The following WWOX variants were observed in gnomAD, a reference collection of about 807,000 sequenced individuals.
WWOX encodes the protein WW domain containing oxidoreductase.
A neutral mutation model predicts 46.2 loss-of-function variants in WWOX; 69 were observed. That is an observed-to-expected ratio of 1.49 (90% confidence interval 1.23 to 1.82). WWOX has a LOEUF of 1.82. Among genes scored for constraint, WWOX ranks in the 40% most tolerant of loss-of-function variants. WWOX has a pLI of 0.00. For synonymous variants in WWOX, 359 were observed against 202.6 expected (o/e 1.77, Z -6.56); for missense variants, 919 against 542.6 (o/e 1.69, Z -6.89).
chr16:78,723,748 T>C (rs2048756776), intron 8 of WWOX, among the ~76,000 whole-genome samples: 1 of 152,032 alleles, frequency 6.6e-6, no homozygotes, highest in African/African-American at 2.4e-5. Context: ...CAGTTCTTTA[T>C]TGCTTTCCCA....
chr16:78,354,674 G>C (rs1443380072), intron 5 of WWOX, among the ~76,000 whole-genome samples: 1 of 151,106 alleles, frequency 6.6e-6, no homozygotes, highest in African/African-American at 2.4e-5. Flanking sequence ...TTGTTTTTTG[G>C]TTCAATGTAA....
intron 8 of WWOX, among the ~76,000 whole-genome samples, chr16:78,666,430 G>A (rs964009208): frequency 1.3e-5 from 2 of 152,200 alleles, no homozygotes; most frequent in Non-Finnish European, 2.9e-5. Flanking sequence ...GCCCCAGTGT[G>A]TCACGCCATT....
At chr16:78,904,658 T>A (rs1322210326) in intron 8 of WWOX, among the ~76,000 whole-genome samples, 1 of 152,146 alleles carries the variant, frequency 6.6e-6, no homozygotes, top group Non-Finnish European at 1.5e-5. Context: ...TCATCCACAC[T>A]GGCACCTTTT....
chr16:78,707,659 G>A (rs913780744), intron 8 of WWOX, among the ~76,000 whole-genome samples: 2 of 152,044 alleles, frequency 1.3e-5, no homozygotes, highest in African/African-American at 4.8e-5. Flanking sequence ...AAGGCGGGTG[G>A]ATCACTTGAG....
chr16:78,101,193 G>A (rs1294718217), intron 1 of WWOX, among the ~76,000 whole-genome samples: 1 of 151,114 alleles, frequency 6.6e-6, no homozygotes, highest in Non-Finnish European at 1.5e-5. Context: ...GACTACAGGC[G>A]CCCGCCACCA....
At chr16:79,113,741 A>G (rs1295946347) in intron 8 of WWOX, among the ~76,000 whole-genome samples, 1 of 152,222 alleles carries the variant, frequency 6.6e-6, no homozygotes, top group Non-Finnish European at 1.5e-5. Context: ...GATGGAGCCA[A>G]CTTTTCACCC....
At chr16:78,545,902 G>C (rs2044019745) in intron 8 of WWOX, among the ~76,000 whole-genome samples, 1 of 152,016 alleles carries the variant, frequency 6.6e-6, no homozygotes, top group African/African-American at 2.4e-5. Flanking sequence ...CAGTCCTCTT[G>C]GATTAGGGCA....
chr16:78,653,140 A>G (rs932528215), intron 8 of WWOX, among the ~76,000 whole-genome samples: 1 of 152,112 alleles, frequency 6.6e-6, no homozygotes, highest in South Asian at 2.1e-4. Flanking sequence ...CGTAATATAT[A>G]GGCACATAGA....
chr16:78,781,857 G>C (rs2050334580), intron 8 of WWOX, among the ~76,000 whole-genome samples: 2 of 152,154 alleles, frequency 1.3e-5, no homozygotes, highest in African/African-American at 4.8e-5. Context: ...GTTATGAGCA[G>C]GTAACATGCA....
At chr16:78,893,131 A>T (rs1416893069) in intron 8 of WWOX, among the ~76,000 whole-genome samples, 1 of 151,878 alleles carries the variant, frequency 6.6e-6, no homozygotes, top group East Asian at 1.9e-4. Context: ...ACAGAAAAGG[A>T]GGCTCTCCAG....
chr16:78,742,503 C>G (rs1026701179), intron 8 of WWOX, among the ~76,000 whole-genome samples: 1 of 152,168 alleles, frequency 6.6e-6, no homozygotes, highest in Admixed American at 6.5e-5. Flanking sequence ...ACCAGAGCCT[C>G]TGGTATGTAC....
At chr16:78,968,024 C>T (rs1200947835) in intron 8 of WWOX, among the ~76,000 whole-genome samples, 2 of 152,236 alleles carry the variant, frequency 1.3e-5, no homozygotes, top group Admixed American at 1.3e-4. Flanking sequence ...TTTAATCTAC[C>T]ATTCCTTGTG....
chr16:78,827,774 G>GC (rs1381197397), intron 8 of WWOX, among the ~76,000 whole-genome samples: 1 of 152,196 alleles, frequency 6.6e-6, no homozygotes, highest in Non-Finnish European at 1.5e-5. Context: ...CTGGGAGGCA[G>GC]CGGTTGCAGT....
chr16:78,954,132 G>A (rs112470230), intron 8 of WWOX, among the ~76,000 whole-genome samples: 3 of 152,090 alleles, frequency 2.0e-5, no homozygotes, highest in African/African-American at 7.2e-5. Flanking sequence ...GTTAAGATCT[G>A]CCATAAAAAT....
intron 8 of WWOX, among the ~76,000 whole-genome samples, chr16:78,737,379 C>G (rs1025297977): frequency 6.6e-6 from 1 of 151,846 alleles, no homozygotes; most frequent in African/African-American, 2.4e-5. Flanking sequence ...CAGAATGATC[C>G]GCCTGCCTCA....
intron 8 of WWOX, among the ~76,000 whole-genome samples, chr16:79,082,320 G>A (rs1395107760): frequency 6.6e-6 from 1 of 152,138 alleles, no homozygotes; most frequent in African/African-American, 2.4e-5. Flanking sequence ...CCCAGGGTGT[G>A]ACCTCAGCGG....
intron 5 of WWOX, among the ~76,000 whole-genome samples, chr16:78,368,769 T>G (rs976282369): frequency 6.6e-6 from 1 of 152,190 alleles, no homozygotes; most frequent in Non-Finnish European, 1.5e-5. Flanking sequence ...TTAGCAAAAT[T>G]ACCCATCGCG....
intron 5 of WWOX, among the ~76,000 whole-genome samples, chr16:78,208,396 T>C (rs1364466356): frequency 6.6e-6 from 1 of 152,226 alleles, no homozygotes; most frequent in East Asian, 1.9e-4. Flanking sequence ...CCGTTACATA[T>C]GTATATGAAA....
chr16:78,602,331 C>G (rs1268973461), intron 8 of WWOX, among the ~76,000 whole-genome samples: 1 of 152,140 alleles, frequency 6.6e-6, no homozygotes, highest in African/African-American at 2.4e-5. Flanking sequence ...CTCCTAGGTT[C>G]CAGCGATTCT....
Sources: allele counts gnomAD v4.1 joint callset (sites outside exome capture counted in the v4.1 genomes callset), GRCh38; gene constraint gnomAD v4.1.1; transcripts MANE v1.5; gene names NCBI Gene and HGNC (gene_info 2026-07-23, HGNC 2026-07-21).